The following CADM1 variants were observed in gnomAD, a reference collection of about 807,000 sequenced individuals.
CADM1 encodes TSLC-1.
A neutral mutation model predicts 53.1 loss-of-function variants in CADM1; 15 were observed. That is an observed-to-expected ratio of 0.28 (90% CI 0.19 to 0.44). The LOEUF is 0.44. Among genes scored for constraint, CADM1 ranks in the 20% least tolerant of loss-of-function variants. CADM1 has a pLI of 1.00. For synonymous variants in CADM1, 281 were observed against 243.0 expected (o/e 1.16, Z -1.45); for missense variants, 434 against 611.3 (o/e 0.71, Z 3.06).
chr11:115,348,190 A>G (rs1283558893), intron 1 of CADM1, among the ~76,000 whole-genome samples: 7 of 152,208 alleles, frequency 4.6e-5, no homozygotes, highest in Non-Finnish European at 2.9e-5. Flanking sequence ...TACTAAAGCC[A>G]CACACATGGG....
intron 1 of CADM1, among the ~76,000 whole-genome samples, chr11:115,460,168 T>C (rs1031242855): frequency 2.6e-4 from 39 of 152,104 alleles, no homozygotes; most frequent in Non-Finnish European, 1.5e-5. Flanking sequence ...CTTCTCAGTC[T>C]TACTTCTGGG....
At chr11:115,407,744 C>A (rs533896053) in intron 1 of CADM1, among the ~76,000 whole-genome samples, 2 of 151,514 alleles carry the variant, frequency 1.3e-5, no homozygotes, top group African/African-American at 4.8e-5. Flanking sequence ...TGGTGTGTGC[C>A]GTTTGGTCCT....
At chr11:115,394,751 CAGG>C (rs755964810) in intron 1 of CADM1, among the ~76,000 whole-genome samples, 6 of 152,116 alleles carry the variant, frequency 3.9e-5, no homozygotes, top group Non-Finnish European at 7.4e-5. Flanking sequence ...GTTTCTGAAA[CAGG>C]AGCTCTGTTG....
chr11:115,489,997 G>A (rs530720248), intron 1 of CADM1, among the ~76,000 whole-genome samples: 105 of 152,250 alleles, frequency 6.9e-4, no homozygotes, highest in African/African-American at 2.4e-3. Flanking sequence ...GTGGAGAGCC[G>A]GCGAGGCCAA....
intron 1 of CADM1, among the ~76,000 whole-genome samples, chr11:115,259,281 C>A (rs1591649671): frequency 6.9e-6 from 1 of 145,692 alleles, no homozygotes; most frequent in Non-Finnish European, 1.5e-5. Flanking sequence ...CCACCGCACC[C>A]AGTCTTAACT....
At chr11:115,439,101 A>G (rs1160129813) in intron 1 of CADM1, among the ~76,000 whole-genome samples, 1 of 152,154 alleles carries the variant, frequency 6.6e-6, no homozygotes, top group Non-Finnish European at 1.5e-5. Context: ...AACCAAAAAG[A>G]CTTTTGAAAC....
At chr11:115,305,084 G>A (rs950111268) in intron 1 of CADM1, among the ~76,000 whole-genome samples, 2 of 151,848 alleles carry the variant, frequency 1.3e-5, no homozygotes, top group African/African-American at 2.4e-5. Flanking sequence ...CACAGATGGT[G>A]AAATGAGAAC....
chr11:115,277,387 TTAATAA>T (rs1238223945), intron 1 of CADM1, among the ~76,000 whole-genome samples: 10 of 152,164 alleles, frequency 6.6e-5, no homozygotes, highest in African/African-American at 1.9e-4. Flanking sequence ...AACACTATCA[TTAATAA>T]TAATAACAAC....
chr11:115,284,106 C>CTCTCTCTCTCTCTCTT (rs1555055877), intron 1 of CADM1, among the ~76,000 whole-genome samples: 1 of 134,302 alleles, frequency 7.4e-6, no homozygotes, highest in Non-Finnish European at 1.6e-5. Flanking sequence ...CTCTCTCTCT[C>CTCTCTCTCTCTCTCTT]TCTCTCTCTG....
chr11:115,268,893 T>C (rs1943219732), intron 1 of CADM1, among the ~76,000 whole-genome samples: 1 of 152,108 alleles, frequency 6.6e-6, no homozygotes, highest in Non-Finnish European at 1.5e-5. Flanking sequence ...TGAGTGGGGC[T>C]GCAGAGCTGC....
intron 1 of CADM1, among the ~76,000 whole-genome samples, chr11:115,287,038 C>G (rs1943746736): frequency 6.6e-6 from 1 of 152,238 alleles, no homozygotes; most frequent in Non-Finnish European, 1.5e-5. Flanking sequence ...CTCCCGACCC[C>G]TTCTCCCAAC....
At chr11:115,228,303 T>C (rs1941689158) in intron 5 of CADM1, among the ~76,000 whole-genome samples, 4 of 152,210 alleles carry the variant, frequency 2.6e-5, no homozygotes, top group Admixed American at 1.3e-4. Context: ...GACAATTTGT[T>C]ATGGCAGCCC....
At chr11:115,257,813 G>T (rs184592658) in intron 1 of CADM1, among the ~76,000 whole-genome samples, 1 of 152,274 alleles carries the variant, frequency 6.6e-6, no homozygotes, top group African/African-American at 2.4e-5. Context: ...GCATACATCT[G>T]CATTCTCAAA....
At chr11:115,503,863 A>G (rs2513639) in intron 1 of CADM1, among the ~76,000 whole-genome samples, 9,677 of 152,090 alleles carry the variant, frequency 0.064, 395 homozygotes, top group Middle Eastern at 0.1. Context: ...GGGCGAATGG[A>G]CAGCCCTGGG....
chr11:115,240,161 A>G (rs1165756114), intron 2 of CADM1, 113 bp downstream of exon 2: 1 of 967,160 alleles, frequency 1.0e-6, no homozygotes, highest in African/African-American at 1.6e-5. Flanking sequence ...AGAACTGACT[A>G]AACTTTAAGC....
intron 1 of CADM1, chr11:115,399,174 C>T (rs2135206957): frequency 6.6e-6 from 1 of 152,232 alleles, no homozygotes; most frequent in African/African-American, 2.4e-5. Flanking sequence ...AAATTCAAAC[C>T]TAATACAACT....
At chr11:115,205,145 C>T (rs1384325954) in intron 8 of CADM1, among the ~76,000 whole-genome samples, 1 of 152,026 alleles carries the variant, frequency 6.6e-6, no homozygotes, top group African/African-American at 2.4e-5. Context: ...TGAACTCCTC[C>T]CAGCCTGAAT....
chr11:115,265,613 G>GT (rs1943112628), intron 1 of CADM1, among the ~76,000 whole-genome samples: 1 of 152,158 alleles, frequency 6.6e-6, no homozygotes, highest in Admixed American at 6.5e-5. Context: ...ACCTACCTGT[G>GT]TTGTAAACAC....
chr11:115,444,779 C>T (rs1948412311), intron 1 of CADM1, among the ~76,000 whole-genome samples: 2 of 152,174 alleles, frequency 1.3e-5, no homozygotes, highest in Non-Finnish European at 2.9e-5. Flanking sequence ...AATCAATTCG[C>T]CTCTCTTCCT....
Sources: allele counts gnomAD v4.1 joint callset (sites outside exome capture counted in the v4.1 genomes callset), GRCh38; gene constraint gnomAD v4.1.1; transcripts MANE v1.5; gene names NCBI Gene and HGNC (gene_info 2026-07-23, HGNC 2026-07-21).